The following ZNF804B variants were observed in gnomAD, a reference collection of about 807,000 sequenced individuals.
ZNF804B encodes zinc finger protein 804B.
Under a neutral mutation model 101.4 loss-of-function variants are expected in ZNF804B, and 80 were observed. The ratio of observed to expected loss-of-function variants is 0.79; its 90% CI spans 0.66 to 0.95. The LOEUF (loss-of-function observed/expected upper bound fraction) is 0.95, where lower values mean the gene tolerates loss of function less well. Ranked by LOEUF, ZNF804B falls within the 40% of genes least tolerant of loss-of-function variation. The probability of loss-of-function intolerance (pLI) is 0.00; values close to 1 mark genes in which losing one functional copy is unlikely to be tolerated. For missense variants in ZNF804B, 1,673 were observed against 1,561.9 expected (o/e 1.07, Z -1.20); for synonymous variants, 622 against 558.8 (o/e 1.11, Z -1.59).
intron 1 of ZNF804B, among the ~76,000 whole-genome samples, chr7:88,919,508 ACT>A (rs908066603): frequency 3.0e-4 from 45 of 152,208 alleles, no homozygotes; most frequent in African/African-American, 9.4e-4. Context: ...TAGAGGAAGC[ACT>A]CTCTATTAAA....
At chr7:89,199,672 C>T (rs1788602452) in intron 1 of ZNF804B, among the ~76,000 whole-genome samples, 1 of 151,792 alleles carries the variant, frequency 6.6e-6, no homozygotes, top group Non-Finnish European at 1.5e-5. Context: ...TACTCCTAAC[C>T]ACAAGGATGT....
intron 1 of ZNF804B, among the ~76,000 whole-genome samples, chr7:89,021,131 A>G (rs988921583): frequency 6.6e-6 from 1 of 152,154 alleles, no homozygotes; most frequent in African/African-American, 2.4e-5. Flanking sequence ...ACTTATTTCT[A>G]TAGATGGTCT....
intron 1 of ZNF804B, among the ~76,000 whole-genome samples, chr7:88,812,782 A>C (rs1360888096): frequency 2.0e-5 from 3 of 152,156 alleles, no homozygotes; most frequent in African/African-American, 7.2e-5. Context: ...ATGCCAAGTG[A>C]AATAAGCCAG....
intron 1 of ZNF804B, among the ~76,000 whole-genome samples, chr7:88,839,268 T>G (rs1048139439): frequency 6.6e-6 from 1 of 152,024 alleles, no homozygotes; most frequent in African/African-American, 2.4e-5. Context: ...GAGAAGCTGC[T>G]AAGTTGTCCA....
chr7:89,269,791 G>C (rs975953756), intron 2 of ZNF804B, among the ~76,000 whole-genome samples: 5 of 152,162 alleles, frequency 3.3e-5, no homozygotes, highest in Non-Finnish European at 7.3e-5. Flanking sequence ...TTGTGGTTTT[G>C]ATTTGCATTT....
At chr7:89,132,122 G>C (rs1790557385) in intron 1 of ZNF804B, among the ~76,000 whole-genome samples, 2 of 150,716 alleles carry the variant, frequency 1.3e-5, no homozygotes. Flanking sequence ...TGTGCTGAAA[G>C]GCCTGTAGGG....
At chr7:89,314,101 CA>C (rs34868187) in intron 2 of ZNF804B, among the ~76,000 whole-genome samples, 1 of 151,622 alleles carries the variant, frequency 6.6e-6, no homozygotes, top group African/African-American at 2.4e-5. Flanking sequence ...CAGCACAATT[CA>C]AAAAAAATTT....
At chr7:89,302,135 T>G (rs965998294) in intron 2 of ZNF804B, among the ~76,000 whole-genome samples, 3 of 151,876 alleles carry the variant, frequency 2.0e-5, no homozygotes, top group Non-Finnish European at 1.5e-5. Context: ...ATTGTCTACA[T>G]CTGTTGCATC....
chr7:88,877,006 AAATAT>A (rs1162619384), intron 1 of ZNF804B, among the ~76,000 whole-genome samples: 3 of 84,296 alleles, frequency 3.6e-5, no homozygotes, highest in African/African-American at 2.7e-4. Context: ...TTGAAAAAAA[AAATAT>A]ATATATATAT....
chr7:89,322,816 G>GA (rs1339520802), intron 2 of ZNF804B, among the ~76,000 whole-genome samples: 5 of 152,090 alleles, frequency 3.3e-5, no homozygotes, highest in African/African-American at 1.2e-4. Context: ...AATACTCCAG[G>GA]AAAACATGGC....
At chr7:88,890,839 T>C (rs1340073175) in intron 1 of ZNF804B, among the ~76,000 whole-genome samples, 3 of 152,126 alleles carry the variant, frequency 2.0e-5, no homozygotes, top group Non-Finnish European at 2.9e-5. Context: ...TTTCACTTAT[T>C]CATAACACAT....
rs147084318 is a variant in ZNF804B at position 89,281,519 on chromosome 7, T to G, written c.250-45825T>G. Among the ~76,000 whole-genome samples the G allele has an allele frequency of 1.7e-3, 254 of 152,262 alleles. 4 individuals carry two copies. The East Asian group carries it at 0.045, about 27-fold the overall frequency. Reference sequence around the variant, plus strand: ...TTTTTAGATAATACAATTAAAAATGTAAAATAATAAAAACAACTATCGTTT... The same window carrying G: ...TTTTTAGATAATACAATTAAAAATGGAAAATAATAAAAACAACTATCGTTT... On this transcript the variant is annotated intron_variant, in intron 2 of 3. Transcript: ENST00000333190.
intron 1 of ZNF804B, among the ~76,000 whole-genome samples, chr7:89,186,498 AAATAAAGC>A (rs756673440): frequency 2.7e-4 from 41 of 152,166 alleles, no homozygotes; most frequent in Non-Finnish European, 4.7e-4. Flanking sequence ...AAACAGAAAG[AAATAAAGC>A]AATTTCTGTC....
At chr7:89,266,201 T>A (rs1789793402) in intron 2 of ZNF804B, among the ~76,000 whole-genome samples, 1 of 152,168 alleles carries the variant, frequency 6.6e-6, no homozygotes, top group South Asian at 2.1e-4. Flanking sequence ...CCAGAACAGC[T>A]GCCCTAACAC....
At chr7:88,986,250 C>T (rs903471838) in intron 1 of ZNF804B, among the ~76,000 whole-genome samples, 2 of 152,102 alleles carry the variant, frequency 1.3e-5, no homozygotes, top group Admixed American at 1.3e-4. Context: ...TATTTATTCT[C>T]ATACTTCCAA....
intron 2 of ZNF804B, among the ~76,000 whole-genome samples, chr7:89,268,671 G>T (rs1584093581): frequency 7.1e-6 from 1 of 141,684 alleles, no homozygotes; most frequent in Middle Eastern, 3.6e-3. Flanking sequence ...CAGCTCGGGT[G>T]TGAGTACCTG....
intron 2 of ZNF804B, among the ~76,000 whole-genome samples, chr7:89,241,662 A>AT (rs1279674998): frequency 6.6e-6 from 1 of 152,036 alleles, no homozygotes; most frequent in African/African-American, 2.4e-5. Flanking sequence ...AGAATGAGCT[A>AT]TTTTTTACTG....
Position 89,048,152 on chromosome 7 carries a change from C to T in ZNF804B, c.109-170003C>T, listed in dbSNP as rs145968099. 1.0e-3 allele frequency among the ~76,000 whole-genome samples: 151 copies of T among 150,248 alleles called. 3 individuals are homozygous for T. The South Asian group carries it at 0.019, about 19-fold the overall frequency. ...CCATTGTGTCATTCTTATGCCTTTG[C>T]ATCCTCATAGCTTAGCCCCCGCTTA... is the stretch of plus-strand genomic sequence containing the variant. On this transcript the variant is annotated intron_variant, in intron 1 of 3. Coordinates refer to ENST00000333190, the MANE Select transcript of ZNF804B (RefSeq NM_181646.5).
chr7:88,980,328 T>G (rs1458417755), intron 1 of ZNF804B, among the ~76,000 whole-genome samples: 1 of 152,088 alleles, frequency 6.6e-6, no homozygotes, highest in Non-Finnish European at 1.5e-5. Flanking sequence ...GTTTGATTTT[T>G]GAGTTCATGT....
Sources: gnomAD v4.1 joint callset for allele counts (sites outside exome capture counted in the v4.1 genomes callset) on GRCh38, gnomAD v4.1.1 for gene constraint, MANE v1.5 for transcripts, NCBI Gene and HGNC (gene_info 2026-07-23, HGNC 2026-07-21) for gene names.